The following SLX4IP variants were observed in gnomAD, a reference collection of about 807,000 sequenced individuals.
SLX4IP encodes protein SLX4IP.
Under a neutral mutation model 32.9 loss-of-function variants are expected in SLX4IP, and 34 were observed. The observed-to-expected ratio is 1.03, with a 90% confidence interval of 0.79 to 1.38. The LOEUF is 1.38. Among genes scored for constraint, SLX4IP ranks in the 40% most tolerant of loss-of-function variants. SLX4IP has a pLI of 0.00. For synonymous variants in SLX4IP, 172 were observed against 171.7 expected (o/e 1.00, Z -0.01); for missense variants, 444 against 479.0 (o/e 0.93, Z 0.68).
intron 4 of SLX4IP, among the ~76,000 whole-genome samples, chr20:10,580,583 C>A (rs1336413367): frequency 6.8e-6 from 1 of 148,082 alleles, no homozygotes; most frequent in Non-Finnish European, 1.5e-5. Flanking sequence ...CTACCTTTAA[C>A]TCCTCTGTCT....
chr20:10,573,134 C>T (rs770651763), intron 4 of SLX4IP, among the ~76,000 whole-genome samples: 14 of 152,230 alleles, frequency 9.2e-5, no homozygotes, highest in Non-Finnish European at 1.6e-4. Flanking sequence ...GGCATCCCCG[C>T]GAGTGCAAAT....
chr20:10,447,797 C>T (rs1318473968), intron 1 of SLX4IP, among the ~76,000 whole-genome samples: 1 of 151,550 alleles, frequency 6.6e-6, no homozygotes, highest in Non-Finnish European at 1.5e-5. Context: ...AACTCCTGGG[C>T]TCAAGTGATC....
chr20:10,620,807 G>A (rs1437562332), intron 6 of SLX4IP, among the ~76,000 whole-genome samples: 1 of 152,130 alleles, frequency 6.6e-6, no homozygotes, highest in Non-Finnish European at 1.5e-5. Context: ...TGGCTGCCTC[G>A]GCCTCCCAAA....
At chr20:10,540,063 T>C (rs1470655296) in intron 2 of SLX4IP, among the ~76,000 whole-genome samples, 2 of 149,244 alleles carry the variant, frequency 1.3e-5, no homozygotes, top group African/African-American at 2.4e-5. Flanking sequence ...CTTTTTGTTT[T>C]CTTTCTTTTC....
intron 2 of SLX4IP, among the ~76,000 whole-genome samples, chr20:10,502,725 C>G (rs2065729525): frequency 6.6e-6 from 1 of 151,898 alleles, no homozygotes; most frequent in Non-Finnish European, 1.5e-5. Flanking sequence ...CTGCCTTATT[C>G]TTTTTCATCA....
At chr20:10,578,694 G>A (rs2066549122) in intron 4 of SLX4IP, among the ~76,000 whole-genome samples, 1 of 152,154 alleles carries the variant, frequency 6.6e-6, no homozygotes, top group Admixed American at 6.5e-5. Flanking sequence ...TTCTGTTCCT[G>A]CCAGCAGTGT....
chr20:10,594,475 C>T (rs1000940645), intron 4 of SLX4IP, among the ~76,000 whole-genome samples: 1 of 152,186 alleles, frequency 6.6e-6, no homozygotes, highest in African/African-American at 2.4e-5. Context: ...CCCACTGTTA[C>T]GCACCAGACC....
chr20:10,610,815 C>T (rs576071208), intron 6 of SLX4IP, among the ~76,000 whole-genome samples: 8 of 152,126 alleles, frequency 5.3e-5, no homozygotes, highest in South Asian at 4.1e-4. Flanking sequence ...TTATTCATTG[C>T]GACTCTGTCC....
chr20:10,444,170 G>A (rs893390693), intron 1 of SLX4IP, among the ~76,000 whole-genome samples: 1 of 82,812 alleles, frequency 1.2e-5, no homozygotes, highest in African/African-American at 3.5e-5. Context: ...GAAGTACAAG[G>A]ATAGAGATTA....
intron 2 of SLX4IP, among the ~76,000 whole-genome samples, chr20:10,479,550 C>T (rs1316355062): frequency 6.6e-6 from 1 of 151,492 alleles, no homozygotes; most frequent in East Asian, 2.0e-4. Flanking sequence ...CGGGATTTCA[C>T]CATGTTGGCC....
chr20:10,524,089 G>T (rs1354263830), intron 2 of SLX4IP, among the ~76,000 whole-genome samples: 1 of 152,238 alleles, frequency 6.6e-6, no homozygotes, highest in Admixed American at 6.5e-5. Context: ...ACTGGGAGGC[G>T]TAGAGAATGT....
At chr20:10,601,979 T>A (rs2066847474) in intron 6 of SLX4IP, among the ~76,000 whole-genome samples, 160 bp downstream of exon 6, 1 of 152,228 alleles carries the variant, frequency 6.6e-6, no homozygotes, top group African/African-American at 2.4e-5. Flanking sequence ...CGTGGTAATA[T>A]CAACTAATTC....
chr20:10,458,071 A>G, intron 1 of SLX4IP, 105 bp from the exon 2 acceptor site: 2 of 631,740 alleles, frequency 3.2e-6, no homozygotes, highest in South Asian at 2.7e-5. Flanking sequence ...TTCATCTCAT[A>G]AATACCTATT....
At chr20:10,548,993 G>GGT (rs2066191833) in intron 2 of SLX4IP, among the ~76,000 whole-genome samples, 1 of 152,176 alleles carries the variant, frequency 6.6e-6, no homozygotes, top group Non-Finnish European at 1.5e-5. Flanking sequence ...AAGGTATGCT[G>GGT]GTTCCCTTTC....
intron 2 of SLX4IP, among the ~76,000 whole-genome samples, chr20:10,549,415 G>C (rs2066196486): frequency 6.6e-6 from 1 of 152,200 alleles, no homozygotes; most frequent in Non-Finnish European, 1.5e-5. Context: ...GAAAGGAGCT[G>C]TGGGACCCTG....
At chr20:10,575,548 C>A (rs1458769233) in intron 4 of SLX4IP, among the ~76,000 whole-genome samples, 2 of 151,838 alleles carry the variant, frequency 1.3e-5, no homozygotes, top group Non-Finnish European at 2.9e-5. Flanking sequence ...CCCTACCCCC[C>A]ACCCCCAATA....
chr20:10,524,558 A>G (rs564832502), intron 2 of SLX4IP, among the ~76,000 whole-genome samples: 54 of 152,380 alleles, frequency 3.5e-4, no homozygotes, highest in Non-Finnish European at 6.5e-4. Flanking sequence ...TCAGTTTGCT[A>G]TATTCGTAAA....
chr20:10,523,836 A>G (rs1420425086), intron 2 of SLX4IP, among the ~76,000 whole-genome samples: 1 of 152,276 alleles, frequency 6.6e-6, no homozygotes, highest in Non-Finnish European at 1.5e-5. Context: ...AAAAAGTCAC[A>G]TTATCACTTA....
chr20:10,621,139 G>A (rs2067106516), intron 6 of SLX4IP, among the ~76,000 whole-genome samples, 175 bp from the exon 7 acceptor site: 1 of 152,218 alleles, frequency 6.6e-6, no homozygotes, highest in South Asian at 2.1e-4. Flanking sequence ...TCCAAAAGAA[G>A]TTACAATTAA....
Sources: gnomAD v4.1 joint callset for allele counts (sites outside exome capture counted in the v4.1 genomes callset) on GRCh38, gnomAD v4.1.1 for gene constraint, MANE v1.5 for transcripts, NCBI Gene and HGNC (gene_info 2026-07-23, HGNC 2026-07-21) for gene names.